Variants in SNRPN observed in about 807,000 individuals in gnomAD.
SNRPN encodes the protein small nuclear ribonucleoprotein polypeptide N, also known as small nuclear ribonucleoprotein-associated protein N.
Under a neutral mutation model 25.2 loss-of-function variants are expected in SNRPN, and 7 were observed. The ratio of observed to expected loss-of-function variants is 0.28; its 90% confidence interval spans 0.16 to 0.52. SNRPN has a LOEUF of 0.52. Among genes scored for constraint, SNRPN ranks in the 20% least tolerant of loss-of-function variants. SNRPN has a pLI of 0.96. For synonymous variants in SNRPN, 124 were observed against 110.6 expected (o/e 1.12, Z -0.76); for missense variants, 196 against 322.5 (o/e 0.61, Z 3.00).
chr15:24,949,503 T>C lies in SNRPN; in HGVS notation c.-390-12611T>C, dbSNP rs575562582. ...GGTCTCTACAAAAAAATAAAAAAAT[T>C]ACCTGGGCATGGTGGTGCATGCCTG... On this transcript the variant is annotated intron_variant, in intron 3 of 11. Transcript: ENST00000400097. Among the ~76,000 whole-genome samples, 5 of 152,030 alleles carry C rather than the reference T, an allele frequency of 3.3e-5. No individual in the cohort carries two copies. The South Asian group carries it at 1.0e-3, about 32-fold the overall frequency.
At chr15:24,843,683 A>C (rs1159053864) in intron 2 of SNRPN, among the ~76,000 whole-genome samples, 3 of 152,036 alleles carry the variant, frequency 2.0e-5, no homozygotes, top group Non-Finnish European at 2.9e-5. Flanking sequence ...GCTACTCAGG[A>C]AGCTGAGACA....
At chr15:24,921,477 C>A (rs2060018547) in intron 3 of SNRPN, among the ~76,000 whole-genome samples, 2 of 152,120 alleles carry the variant, frequency 1.3e-5, no homozygotes, top group African/African-American at 2.4e-5. Flanking sequence ...GTGGAAGCAA[C>A]TGTGATACGG....
chr15:24,908,897 A>G (rs894247305), intron 2 of SNRPN: 6 of 833,180 alleles, frequency 7.2e-6, no homozygotes, highest in Admixed American at 2.4e-5. Context: ...TATTGTCTGT[A>G]TCTGAAAAAT....
chr15:24,852,757 T>G (rs1595467558), upstream of SNRPN, among the ~76,000 whole-genome samples: 1 of 151,976 alleles, frequency 6.6e-6, no homozygotes, highest in African/African-American at 2.4e-5. Context: ...GAACGCTGTT[T>G]CTAAAAAAAA....
At chr15:24,882,274 A>T (rs894212713) in intron 1 of SNRPN, among the ~76,000 whole-genome samples, 14 of 152,150 alleles carry the variant, frequency 9.2e-5, no homozygotes, top group Admixed American at 6.6e-4. Context: ...TCAGATTTTA[A>T]TTAAAATTTA....
intron 3 of SNRPN, among the ~76,000 whole-genome samples, chr15:24,948,649 G>A (rs1319175725): frequency 6.6e-6 from 1 of 152,024 alleles, no homozygotes; most frequent in East Asian, 1.9e-4. Context: ...GTGTCTCAAG[G>A]TTGTTCTTGG....
chr15:24,846,991 A>T (rs948695747), intron 2 of SNRPN, among the ~76,000 whole-genome samples: 1 of 152,140 alleles, frequency 6.6e-6, no homozygotes, highest in African/African-American at 2.4e-5. Context: ...AGACAACATA[A>T]ACTCTGGGAA....
intron 2 of SNRPN, among the ~76,000 whole-genome samples, chr15:24,839,994 A>T (rs1237563407): frequency 6.6e-6 from 1 of 152,208 alleles, no homozygotes; most frequent in East Asian, 1.9e-4. Flanking sequence ...GCAGAGTTTC[A>T]TCTGGCATTC....
At chr15:24,852,155 T>C (rs2052912931), upstream of SNRPN, 1 of 152,220 alleles carries the variant, frequency 6.6e-6, no homozygotes, top group Non-Finnish European at 1.5e-5. Context: ...CTACATGTTC[T>C]TAAGTAAGGT....
chr15:24,857,248 C>CA (rs2053488579), intron 1 of SNRPN, among the ~76,000 whole-genome samples: 1 of 152,176 alleles, frequency 6.6e-6, no homozygotes, highest in African/African-American at 2.4e-5. Flanking sequence ...GGAATGTCGT[C>CA]ATGTTGTTTG....
At position 24,974,387 on chromosome 15, in the gene SNRPN, C is replaced by T. The variant is rs2076822641; in HGVS notation, c.-67C>T. ...ACCTGCGTCATACCTTTATCTATAG[C>T]CTTCCCCTAGGTCTTCAGAAGCATC... is the stretch of plus-strand genomic sequence containing the variant. On this transcript the variant is annotated 5_prime_UTR_variant, in exon 4 of 10. Coordinates refer to ENST00000390687, the MANE Select transcript of SNRPN (RefSeq NM_003097.6). The T allele has an allele frequency of 6.7e-6, 10 of 1,493,246 alleles. 1 individual carries two copies. The South Asian group carries it at 1.0e-4, about 15-fold the overall frequency. 92.5% of individuals were successfully genotyped at this position (1,493,246 alleles called of 1,614,324 possible). A position where few individuals can be genotyped will look rare whatever the true frequency, so the allele number is the denominator to read the frequency against.
chr15:24,847,931 C>T (rs2052349215), intron 2 of SNRPN, among the ~76,000 whole-genome samples: 1 of 152,076 alleles, frequency 6.6e-6, no homozygotes, highest in South Asian at 2.1e-4. Flanking sequence ...CCCTACACAT[C>T]ACTCTCCAGG....
At chr15:24,907,878 C>T (rs1041392022) in intron 2 of SNRPN, among the ~76,000 whole-genome samples, 6 of 151,616 alleles carry the variant, frequency 4.0e-5, no homozygotes, top group African/African-American at 1.5e-4. Flanking sequence ...CACAGTGAAA[C>T]CCTATCTCTA....
intron 3 of SNRPN, among the ~76,000 whole-genome samples, chr15:24,921,962 G>T (rs2060046711): frequency 6.6e-6 from 1 of 151,012 alleles, no homozygotes; most frequent in Non-Finnish European, 1.5e-5. Context: ...ACTTTGGGAG[G>T]CCAAGGCAAG....
chr15:24,887,005 G>A (rs4906692), intron 2 of SNRPN, among the ~76,000 whole-genome samples: 54,109 of 151,878 alleles, frequency 0.36, 9,877 homozygotes, highest in Middle Eastern at 0.54. Flanking sequence ...GCTTTTAATC[G>A]TTAAGTATCA....
At position 24,978,213 on chromosome 15, in the gene SNRPN, G is replaced by A; in HGVS notation, c.580G>A (p.Gly194Ser). 1 of 1,613,856 alleles carries A rather than the reference G, an allele frequency of 6.2e-7. No individual in the cohort carries two copies. Among genetic ancestry groups the A allele is most frequent in the Admixed American group, 1.7e-5 (1 of 60,010 alleles). Residue 194 changes from glycine to serine, a missense_variant, in exon 9 of 10, where the codon GGT becomes AGT. Coordinates refer to ENST00000390687, the MANE Select transcript of SNRPN (RefSeq NM_003097.6). ...TGTAGGCATTATGGCTCCTCCACCT[G>A]GTATGAGACCACCCATGGGCCCACC... The part of the protein sequence containing the change: ...PPPGIMAPPP[G>S]MRPPMGPPIG...
intron 2 of SNRPN, among the ~76,000 whole-genome samples, chr15:24,889,071 C>T (rs1210184471): frequency 6.6e-6 from 1 of 151,848 alleles, no homozygotes; most frequent in Non-Finnish European, 1.5e-5. Context: ...GCACACGCCA[C>T]CACACCTGGC....
At chr15:24,830,264 A>G (rs1026900567) in intron 2 of SNRPN, among the ~76,000 whole-genome samples, 3 of 151,928 alleles carry the variant, frequency 2.0e-5, no homozygotes, top group African/African-American at 7.3e-5. Context: ...TTGGTTGATC[A>G]TTTCTGAAGA....
At chr15:24,877,211 A>G (rs1453767697) in intron 1 of SNRPN, among the ~76,000 whole-genome samples, 3 of 152,098 alleles carry the variant, frequency 2.0e-5, no homozygotes, top group Non-Finnish European at 2.9e-5. Flanking sequence ...TTCAAGTTAG[A>G]CCTCCCTACG....
Sources: gnomAD v4.1 joint callset for allele counts (sites outside exome capture counted in the v4.1 genomes callset) on GRCh38, gnomAD v4.1.1 for gene constraint, MANE v1.5 for transcripts, NCBI Gene and HGNC (gene_info 2026-07-23, HGNC 2026-07-21) for gene names.